Variants in SGMS1 observed in about 807,000 individuals in gnomAD.
SGMS1 encodes the protein sphingomyelin synthase 1.
A neutral mutation model predicts 46.2 loss-of-function variants in SGMS1; 13 were observed. That is an observed-to-expected ratio of 0.28 (90% confidence interval 0.18 to 0.45). The LOEUF (loss-of-function observed/expected upper bound fraction) is 0.45. Among genes scored for constraint, SGMS1 ranks in the 20% least tolerant of loss-of-function variants. SGMS1 has a pLI of 1.00. For synonymous variants in SGMS1, 203 were observed against 187.8 expected, an observed-to-expected ratio of 1.08 and a Z score of -0.66; for missense variants, 324 against 519.9, an observed-to-expected ratio of 0.62 and a Z score of 3.66.
intron 2 of SGMS1, among the ~76,000 whole-genome samples, chr10:50,547,100 A>C (rs1339311601): frequency 1.3e-5 from 2 of 152,188 alleles, no homozygotes; most frequent in African/African-American, 4.8e-5. Flanking sequence ...TATATCACTA[A>C]ATTAATTTGC....
At chr10:50,418,720 G>C (rs1021147280) in intron 6 of SGMS1, among the ~76,000 whole-genome samples, 46 of 152,168 alleles carry the variant, frequency 3.0e-4, no homozygotes, top group African/African-American at 1.1e-3. Flanking sequence ...AAAAGTTTTT[G>C]AGTTAGGCAG....
chr10:50,539,171 T>C (rs757342159), intron 2 of SGMS1, among the ~76,000 whole-genome samples: 13 of 152,216 alleles, frequency 8.5e-5, no homozygotes, highest in Admixed American at 4.6e-4. Context: ...GACTCAACCA[T>C]AGGCCCCACC....
Position 50,330,814 on chromosome 10 carries a change from C to CA in SGMS1, c.624-3493dup, listed in dbSNP as rs1455107557. Among the ~76,000 whole-genome samples, 15 of 152,240 alleles carry CA rather than the reference C, an allele frequency of 9.9e-5. 1 individual carries two copies. The East Asian group carries it at 2.9e-3, about 29-fold the overall frequency. ...GAGCAGTTATGGAAGAGTAATGATT[C>CA]AGGTCTCTGATTAGTGATTCCAGCT... On this transcript the variant is annotated intron_variant, in intron 7 of 10. Transcript: ENST00000361781.
chr10:50,501,114 T>C (rs1209096116), intron 3 of SGMS1, among the ~76,000 whole-genome samples: 2 of 152,158 alleles, frequency 1.3e-5, no homozygotes, highest in Non-Finnish European at 2.9e-5. Flanking sequence ...TCCCATGTCA[T>C]CCTCTCCTGC....
chr10:50,311,848 A>G (rs1254727070), intron 8 of SGMS1, among the ~76,000 whole-genome samples: 1 of 152,210 alleles, frequency 6.6e-6, no homozygotes, highest in Non-Finnish European at 1.5e-5. Flanking sequence ...GTCCTACTAC[A>G]CTTGGCTAAA....
chr10:50,420,974 A>G (rs1205406264), intron 6 of SGMS1, among the ~76,000 whole-genome samples: 3 of 152,256 alleles, frequency 2.0e-5, no homozygotes, highest in Non-Finnish European at 4.4e-5. Context: ...GGCTGCAATC[A>G]TAACTCAAAG....
chr10:50,520,617 T>C (rs1837849378), intron 2 of SGMS1, among the ~76,000 whole-genome samples: 1 of 152,164 alleles, frequency 6.6e-6, no homozygotes, highest in African/African-American at 2.4e-5. Context: ...TACCAACCCT[T>C]GCTCCAAACT....
intron 1 of SGMS1, among the ~76,000 whole-genome samples, chr10:50,602,904 C>G (rs1286756376): frequency 1.3e-5 from 2 of 152,166 alleles, no homozygotes; most frequent in Admixed American, 6.5e-5. Context: ...TTACAGTGAT[C>G]TATTTTGTTT....
Position 50,344,020 on chromosome 10 carries a change from G to A in SGMS1, c.95C>T (p.Thr32Ile), listed in dbSNP as rs756949622. Residue 32 changes from threonine (T) to isoleucine (I), a missense_variant, in exon 7 of 11, where the codon ACA becomes ATA. Physicochemically the swap from Thr to Ile is moderately conservative, Grantham distance 89. This residue lies in a region of SGMS1 where 150 missense variants were observed against 169.8 expected (regional missense o/e 0.88). Transcript: ENST00000361781. ...GGTTAGGTTGATCAAGTCCTGGCCTGTGAAATGCTCCAGAGGCTCACAGTA... is the reference window on the plus strand; with the variant it reads ...GGTTAGGTTGATCAAGTCCTGGCCTATGAAATGCTCCAGAGGCTCACAGTA... ...PEYCEPLEHFTGQDLINLTQE... is the reference protein window; with the variant it reads ...PEYCEPLEHFIGQDLINLTQE... 2 of 1,614,174 alleles carry A rather than the reference G, an allele frequency of 1.2e-6. No individual in the cohort carries two copies. The highest frequency in any genetic ancestry group is 2.2e-5 in the South Asian group (2 of 91,086).
chr10:50,516,331 T>A (rs1250386305), intron 3 of SGMS1, among the ~76,000 whole-genome samples: 2 of 152,220 alleles, frequency 1.3e-5, no homozygotes, highest in Non-Finnish European at 2.9e-5. Context: ...ACAGAGATGA[T>A]GCCTCTAATT....
chr10:50,331,362 A>C (rs930163489), intron 7 of SGMS1, among the ~76,000 whole-genome samples: 43 of 152,248 alleles, frequency 2.8e-4, no homozygotes, highest in Non-Finnish European at 1.6e-4. Flanking sequence ...AGGAAACTGC[A>C]TCACATTGTG....
chr10:50,478,523 A>G (rs1029270027), intron 3 of SGMS1, among the ~76,000 whole-genome samples: 1 of 152,220 alleles, frequency 6.6e-6, no homozygotes, highest in African/African-American at 2.4e-5. Context: ...AAATAGAGCC[A>G]AATGATTTCT....
chr10:50,513,764 A>AT (rs1330795779), intron 3 of SGMS1, among the ~76,000 whole-genome samples: 3 of 152,202 alleles, frequency 2.0e-5, no homozygotes, highest in African/African-American at 7.2e-5. Context: ...ATTTATAAAC[A>AT]TTTTTTAAAA....
chr10:50,567,289 T>C (rs1475223307), intron 2 of SGMS1, among the ~76,000 whole-genome samples: 2 of 152,076 alleles, frequency 1.3e-5, no homozygotes, highest in Non-Finnish European at 2.9e-5. Context: ...TATTGGGGAT[T>C]TTTCCCCTGA....
At chr10:50,487,293 T>G (rs1837529560) in intron 3 of SGMS1, among the ~76,000 whole-genome samples, 1 of 151,860 alleles carries the variant, frequency 6.6e-6, no homozygotes, top group Non-Finnish European at 1.5e-5. Flanking sequence ...TGAGAACACA[T>G]GGACACAGGG....
At chr10:50,448,192 T>C (rs774884100) in intron 5 of SGMS1, among the ~76,000 whole-genome samples, 1 of 152,004 alleles carries the variant, frequency 6.6e-6, no homozygotes, top group African/African-American at 2.4e-5. Flanking sequence ...ATGGAGGCTG[T>C]AGTGAGCTGT....
At chr10:50,555,871 G>A (rs879899103) in intron 2 of SGMS1, among the ~76,000 whole-genome samples, 1 of 152,194 alleles carries the variant, frequency 6.6e-6, no homozygotes, top group Non-Finnish European at 1.5e-5. Flanking sequence ...GAAATATGTT[G>A]TTCTCTACTA....
At chr10:50,518,927 T>C (rs774474022) in intron 3 of SGMS1, among the ~76,000 whole-genome samples, 5 of 152,202 alleles carry the variant, frequency 3.3e-5, no homozygotes, top group Non-Finnish European at 7.3e-5. Flanking sequence ...GACAATGATA[T>C]ACTATTTTAA....
At chr10:50,597,807 G>C (rs1173015331) in intron 1 of SGMS1, among the ~76,000 whole-genome samples, 3 of 152,094 alleles carry the variant, frequency 2.0e-5, no homozygotes, top group Non-Finnish European at 4.4e-5. Flanking sequence ...GAGGTTGGGA[G>C]TTCGAGACCA....
Sources: allele counts gnomAD v4.1 joint callset (sites outside exome capture counted in the v4.1 genomes callset), GRCh38; gene constraint gnomAD v4.1.1; regional missense constraint gnomAD v4.1.1; transcripts MANE v1.5; gene names NCBI Gene and HGNC (gene_info 2026-07-23, HGNC 2026-07-21).